The following SMG6 variants were observed in gnomAD, a reference collection of about 807,000 sequenced individuals.
The protein encoded by SMG6 is telomerase-binding protein EST1A.
SMG6 carries 66 observed loss-of-function variants against 142.2 expected under a neutral mutation model. The observed-to-expected ratio is 0.46, with a 90% CI of 0.38 to 0.57. The LOEUF is 0.57. Among genes scored for constraint, SMG6 ranks in the 20% least tolerant of loss-of-function variants. SMG6 has a pLI of 0.00. For missense variants in SMG6, 1,793 were observed against 1,832.0 expected (o/e 0.98, Z 0.39); for synonymous variants, 779 against 702.4 (o/e 1.11, Z -1.72).
chr17:2,187,660 T>C (rs1205018911), intron 11 of SMG6, among the ~76,000 whole-genome samples: 1 of 151,598 alleles, frequency 6.6e-6, no homozygotes, highest in Non-Finnish European at 1.5e-5. Context: ...GGGTGAAGGG[T>C]ATGTAAGAGT....
At chr17:2,296,105 T>C (rs770263864) in intron 4 of SMG6, among the ~76,000 whole-genome samples, 40 of 152,294 alleles carry the variant, frequency 2.6e-4, no homozygotes, top group Non-Finnish European at 4.3e-4. Flanking sequence ...ACCTTATCCA[T>C]TTACTAAAAA....
chr17:2,282,568 G>C, intron 8 of SMG6, 79 bp downstream of exon 8: 3 of 1,392,186 alleles, frequency 2.2e-6, no homozygotes, highest in South Asian at 2.3e-5. Flanking sequence ...GGAAGTATCT[G>C]TGCCTCACAG....
At chr17:2,192,588 G>C (rs2072197435) in intron 10 of SMG6, among the ~76,000 whole-genome samples, 1 of 152,182 alleles carries the variant, frequency 6.6e-6, no homozygotes, top group African/African-American at 2.4e-5. Flanking sequence ...TCCTCCCAAA[G>C]AAAGGAAATG....
intron 13 of SMG6, among the ~76,000 whole-genome samples, chr17:2,109,676 C>A (rs191166873): frequency 6.6e-6 from 1 of 152,160 alleles, no homozygotes; most frequent in Admixed American, 6.5e-5. Flanking sequence ...CATATAGACA[C>A]GCAAACCATT....
At chr17:2,297,563 AACACACACAC>A (rs113462824) in intron 3 of SMG6, among the ~76,000 whole-genome samples, 5 of 150,614 alleles carry the variant, frequency 3.3e-5, no homozygotes, top group African/African-American at 1.2e-4. Context: ...TGAACACATG[AACACACACAC>A]ACACACACAC....
intron 13 of SMG6, among the ~76,000 whole-genome samples, chr17:2,129,346 C>T (rs563246609): frequency 6.6e-6 from 1 of 151,864 alleles, no homozygotes; most frequent in Admixed American, 6.6e-5. Context: ...AATGTGTAAC[C>T]CCATATAAAC....
At chr17:2,178,642 C>A (rs1409975042) in intron 12 of SMG6, among the ~76,000 whole-genome samples, 4 of 152,208 alleles carry the variant, frequency 2.6e-5, no homozygotes, top group African/African-American at 9.6e-5. Context: ...CAGAGCACCT[C>A]AACCATCCAC....
At chr17:2,257,494 G>C (rs1423992995) in intron 8 of SMG6, among the ~76,000 whole-genome samples, 2 of 152,150 alleles carry the variant, frequency 1.3e-5, no homozygotes, top group Non-Finnish European at 2.9e-5. Flanking sequence ...TAAGGATTCT[G>C]ATCCTGAGTA....
At chr17:2,257,941 G>A (rs990664450) in intron 8 of SMG6, among the ~76,000 whole-genome samples, 1 of 149,770 alleles carries the variant, frequency 6.7e-6, no homozygotes, top group Non-Finnish European at 1.5e-5. Flanking sequence ...CCCAGAAGGC[G>A]GAGGGTGCAG....
rs748909140 is a variant in SMG6 at position 2,065,080 on chromosome 17, G to A, written c.4122C>T (p.Ala1374=). The change falls in exon 18 of 19, where the codon GCC becomes GCT. Residue 1374 remains alanine (A), a synonymous_variant. Transcript: ENST00000263073. The part of the protein sequence containing the change: ...CKDKAKDFMP[A]SKEEPIRLLR... The stretch of plus-strand genomic sequence containing the variant: ...GCGGAGGCAAAGCTGTACCTTTGCT[G>A]GCGGGCATGAAGTCCTTAGCCTTGT... 5 of 1,613,418 alleles carry A rather than the reference G, an allele frequency of 3.1e-6. No individual in the cohort carries two copies. The highest frequency in any genetic ancestry group is 4.2e-6 in the Non-Finnish European group (5 of 1,179,534).
intron 8 of SMG6, among the ~76,000 whole-genome samples, chr17:2,273,753 C>T (rs1308582063): frequency 1.3e-5 from 2 of 151,634 alleles, no homozygotes; most frequent in Non-Finnish European, 2.9e-5. Context: ...GCAGAGATCG[C>T]GCCACTGCAC....
chr17:2,238,819 G>GT (rs1308281853), intron 9 of SMG6, among the ~76,000 whole-genome samples: 2 of 152,098 alleles, frequency 1.3e-5, no homozygotes, highest in African/African-American at 4.8e-5. Flanking sequence ...TTTATAAAAA[G>GT]TTTTTTAAAA....
chr17:2,218,971 G>A (rs1294568683), intron 10 of SMG6, among the ~76,000 whole-genome samples: 1 of 152,222 alleles, frequency 6.6e-6, no homozygotes, highest in African/African-American at 2.4e-5. Flanking sequence ...CAATCTTGAT[G>A]TGAACACAAA....
At chr17:2,135,068 T>C (rs2070250921) in intron 13 of SMG6, among the ~76,000 whole-genome samples, 1 of 152,114 alleles carries the variant, frequency 6.6e-6, no homozygotes, top group African/African-American at 2.4e-5. Context: ...TTAGTAGAAA[T>C]GGAGTTTTGC....
Position 2,071,741 on chromosome 17 carries a change from G to T in SMG6, c.3682-2810C>A, listed in dbSNP as rs1022468773. Among the ~76,000 whole-genome samples the T allele has an allele frequency of 6.1e-4, 12 of 19,598 alleles. No individual in the cohort carries two copies. Among genetic ancestry groups the T allele is most frequent in the African/African-American group, 4.2e-3 (9 of 2,152 alleles). 12.9% of individuals were successfully genotyped at this position (19,598 alleles called of 152,430 possible). A position where few individuals can be genotyped will look rare whatever the true frequency, so the allele number is the denominator to read the frequency against. On this transcript the variant is annotated intron_variant, in intron 15 of 18. Transcript: ENST00000263073. The surrounding 1 kb of genome is among the most constrained non-coding windows in gnomAD (Gnocchi z 5.6). ...CTGGGGTACCGGTGGGCCTCTGGGC[G>T]GGGGGGGTCACACCTGGGTCACAAG...
chr17:2,273,179 A>C (rs925730397), intron 8 of SMG6, among the ~76,000 whole-genome samples: 1 of 152,156 alleles, frequency 6.6e-6, no homozygotes, highest in African/African-American at 2.4e-5. Context: ...TTAATAATAT[A>C]TATTAAATAA....
At chr17:2,199,253 T>C (rs2072435648) in intron 10 of SMG6, among the ~76,000 whole-genome samples, 1 of 152,222 alleles carries the variant, frequency 6.6e-6, no homozygotes, top group Non-Finnish European at 1.5e-5. Flanking sequence ...GCTTCAAACA[T>C]GAGTCTGAGT....
chr17:2,277,032 C>G (rs987877026), intron 8 of SMG6, among the ~76,000 whole-genome samples: 9 of 152,158 alleles, frequency 5.9e-5, no homozygotes, highest in African/African-American at 2.2e-4. Flanking sequence ...CCGCCTGCCT[C>G]AGCCTCCCAA....
At chr17:2,081,263 GGTGAAGGCACAGGCCC>G (rs932225702) in intron 15 of SMG6, among the ~76,000 whole-genome samples, 16 of 152,344 alleles carry the variant, frequency 1.1e-4, no homozygotes, top group Admixed American at 1.0e-3. Context: ...ACTTGCTGGG[GGTGAAGGCACAGGCCC>G]GTGAGAGGGC....
Sources: gnomAD v4.1 joint callset for allele counts (sites outside exome capture counted in the v4.1 genomes callset) on GRCh38, gnomAD v4.1.1 for gene constraint, Gnocchi (gnomAD v3.1) non-coding constraint, MANE v1.5 for transcripts, NCBI Gene and HGNC (gene_info 2026-07-23, HGNC 2026-07-21) for gene names.